Variants in TRHR observed in about 807,000 individuals in gnomAD.
The protein encoded by TRHR is thyrotropin releasing hormone receptor.
Under a neutral mutation model 28.0 loss-of-function variants are expected in TRHR, and 14 were observed. That is an observed-to-expected ratio of 0.50 (90% CI 0.33 to 0.78). The LOEUF (loss-of-function observed/expected upper bound fraction) is 0.78. Ranked by LOEUF, TRHR falls within the 30% of genes least tolerant of loss-of-function variation. The pLI, the probability that TRHR is intolerant of heterozygous loss-of-function variation, is 0.02. For synonymous variants in TRHR, 176 were observed against 171.9 expected (o/e 1.02, Z -0.18); for missense variants, 438 against 469.5 (o/e 0.93, Z 0.62).
At chr8:109,102,355 A>G (rs1168303054) in intron 2 of TRHR, among the ~76,000 whole-genome samples, 1 of 152,104 alleles carries the variant, frequency 6.6e-6, no homozygotes, top group Non-Finnish European at 1.5e-5. Flanking sequence ...TTGATGGCGC[A>G]TGGTTCCTGA....
At chr8:109,113,811 T>A (rs1811874436) in intron 2 of TRHR, among the ~76,000 whole-genome samples, 1 of 152,012 alleles carries the variant, frequency 6.6e-6, no homozygotes. Context: ...GTAGTAAGAG[T>A]CATAGCAGTA....
At chr8:109,107,782 TA>T (rs1410417604) in intron 2 of TRHR, among the ~76,000 whole-genome samples, 3 of 152,196 alleles carry the variant, frequency 2.0e-5, no homozygotes, top group African/African-American at 7.2e-5. Context: ...GTATAGTACA[TA>T]TTACAATGTG....
intron 2 of TRHR, among the ~76,000 whole-genome samples, chr8:109,104,989 C>G (rs555898753): frequency 9.2e-5 from 14 of 152,224 alleles, no homozygotes; most frequent in African/African-American, 2.9e-4. Flanking sequence ...GACTACATGT[C>G]TGATTATCTA....
intron 2 of TRHR, among the ~76,000 whole-genome samples, chr8:109,088,557 CAG>C (rs1811477044): frequency 6.6e-6 from 1 of 152,132 alleles, no homozygotes; most frequent in Non-Finnish European, 1.5e-5. Context: ...GAAATATAAA[CAG>C]AAACTCTAGA....
At chr8:109,095,555 T>C (rs1033723152) in intron 2 of TRHR, among the ~76,000 whole-genome samples, 3 of 152,008 alleles carry the variant, frequency 2.0e-5, no homozygotes, top group Non-Finnish European at 1.5e-5. Context: ...CCGCCTCTCC[T>C]CCCCATCCTG....
rs941418681 is a variant in TRHR at position 109,110,985 on chromosome 8, G to A, written c.790-8063G>A. On this transcript the variant is annotated intron_variant, in intron 2 of 2. Transcript: ENST00000518632. ...AGCCTGGCCAACATGGTAAAACCCCGTCTCTACAAAATACAAAAATTAGCA... is the reference window on the plus strand; with the variant it reads ...AGCCTGGCCAACATGGTAAAACCCCATCTCTACAAAATACAAAAATTAGCA... Among the ~76,000 whole-genome samples, 10 of 152,082 alleles carry A rather than the reference G, an allele frequency of 6.6e-5. No individual in the cohort carries two copies. In the East Asian group the frequency reaches 7.8e-4, roughly 12 times the overall value.
chr8:109,118,359 C>A lies in TRHR; in HGVS notation c.790-689C>A, dbSNP rs151284322. On this transcript the variant is annotated intron_variant, in intron 2 of 2. Coordinates refer to ENST00000518632, the MANE Select transcript of TRHR (RefSeq NM_003301.7). ...ACTTTTTTGCATTATTCTTTTCATG[C>A]ACTGTTACCTCATTTGATTTAGGAG... Among the ~76,000 whole-genome samples, 476 of 151,992 alleles carry A rather than the reference C, an allele frequency of 3.1e-3. 3 individuals carry two copies. Among genetic ancestry groups the A allele is most frequent in the African/African-American group, 0.01 (434 of 41,508 alleles).
rs527753698 is a variant in TRHR at position 109,110,749 on chromosome 8, C to T, written c.790-8299C>T. 5.5e-4 allele frequency among the ~76,000 whole-genome samples: 83 copies of T among 152,282 alleles called. 1 individual carries two copies. The highest frequency in any genetic ancestry group is 3.4e-3 in the Middle Eastern group (1 of 294). On this transcript the variant is annotated intron_variant, in intron 2 of 2. Coordinates refer to ENST00000518632, the MANE Select transcript of TRHR (RefSeq NM_003301.7). ...TTTATTCACTTTTATTACACAGTAA[C>T]TGACAAGTTGATGTCAAGCCCTTTT...
chr8:109,114,721 T>C (rs537817659), intron 2 of TRHR, among the ~76,000 whole-genome samples: 38 of 152,180 alleles, frequency 2.5e-4, no homozygotes, highest in Non-Finnish European at 4.4e-4. Flanking sequence ...ATCTTAAGAT[T>C]TTAACTGGAT....
chr8:109,103,630 C>T (rs1370226234), intron 2 of TRHR, among the ~76,000 whole-genome samples: 2 of 152,124 alleles, frequency 1.3e-5, no homozygotes, highest in East Asian at 3.9e-4. Context: ...TTTGGTTGTT[C>T]CTTAGGGGAG....
At position 109,119,566 on chromosome 8, in the gene TRHR, T is replaced by C. The variant is rs1811975295; in HGVS notation, c.*111T>C. Reference sequence around the variant, plus strand: ...ATGTGAAGACAGAGCAGATCAGTCTTTGTCAATGCTCTAACAAATTCTGGC... The same window carrying C: ...ATGTGAAGACAGAGCAGATCAGTCTCTGTCAATGCTCTAACAAATTCTGGC... On this transcript the variant is annotated 3_prime_UTR_variant, in exon 3 of 3. Transcript: ENST00000518632. The C allele has an allele frequency of 4.7e-5, 62 of 1,309,228 alleles. 1 individual carries two copies. In the South Asian group the frequency reaches 7.8e-4, roughly 16 times the overall value. 81.1% of individuals were successfully genotyped at this position (1,309,228 alleles called of 1,614,324 possible).
At chr8:109,115,166 T>C (rs1287891954) in intron 2 of TRHR, among the ~76,000 whole-genome samples, 1 of 152,144 alleles carries the variant, frequency 6.6e-6, no homozygotes, top group Non-Finnish European at 1.5e-5. Context: ...TCTGTTCCAT[T>C]GATCTATATC....
At chr8:109,107,668 T>C (rs1464143576) in intron 2 of TRHR, among the ~76,000 whole-genome samples, 1 of 152,150 alleles carries the variant, frequency 6.6e-6, no homozygotes, top group South Asian at 2.1e-4. Context: ...AGAAACTCCA[T>C]TCAGTCTGCT....
rs1417519106 is a variant in TRHR, at chr8:109,119,772, A to G, written c.*317A>G. On this transcript the variant is annotated 3_prime_UTR_variant, in exon 3 of 3. Transcript: ENST00000518632. ...TATAGAGTTTCAATAAAATCTAGAC[A>G]TCAATTTACATTATTCATAGTAACC... 3.3e-5 allele frequency among the ~76,000 whole-genome samples: 5 copies of G among 151,966 alleles called. No individual in the cohort carries two copies. Among genetic ancestry groups the G allele is most frequent in the African/African-American group, 4.8e-5 (2 of 41,420 alleles).
intron 2 of TRHR, among the ~76,000 whole-genome samples, chr8:109,092,009 TA>T (rs1357586127): frequency 3.3e-5 from 5 of 152,232 alleles, no homozygotes; most frequent in African/African-American, 1.2e-4. Flanking sequence ...TGTGTATTTC[TA>T]TGTAATTGAT....
At chr8:109,116,052 G>T (rs557202084) in intron 2 of TRHR, among the ~76,000 whole-genome samples, 43 of 152,242 alleles carry the variant, frequency 2.8e-4, no homozygotes, top group African/African-American at 9.9e-4. Flanking sequence ...TGCATCTATT[G>T]AGATAATCAT....
chr8:109,099,006 G>A (rs1811637682), intron 2 of TRHR, among the ~76,000 whole-genome samples: 1 of 152,058 alleles, frequency 6.6e-6, no homozygotes, highest in South Asian at 2.1e-4. Flanking sequence ...ATGGTGCCTA[G>A]GGACATACTG....
intron 2 of TRHR, among the ~76,000 whole-genome samples, chr8:109,112,620 G>A (rs186753723): frequency 6.6e-6 from 1 of 152,152 alleles, no homozygotes; most frequent in Admixed American, 6.5e-5. Flanking sequence ...CCTGTTTGGG[G>A]TAAAACCCCC....
intron 2 of TRHR, among the ~76,000 whole-genome samples, chr8:109,107,455 A>G (rs1811767631): frequency 6.6e-6 from 1 of 152,338 alleles, no homozygotes; most frequent in East Asian, 1.9e-4. Context: ...AACTAGATTT[A>G]GATTCCAGCG....
Sources: gnomAD v4.1 joint callset for allele counts (sites outside exome capture counted in the v4.1 genomes callset) on GRCh38, gnomAD v4.1.1 for gene constraint, MANE v1.5 for transcripts, NCBI Gene and HGNC (gene_info 2026-07-23, HGNC 2026-07-21) for gene names.